NSF: variants seen among roughly 807,000 people sequenced by gnomAD.
The protein encoded by NSF is vesicle-fusing ATPase.
NSF carries 14 observed loss-of-function variants against 50.3 expected under a neutral mutation model. The ratio of observed to expected loss-of-function variants is 0.28; its 90% CI spans 0.18 to 0.44. NSF has a LOEUF of 0.44. NSF is among the 20% of genes least tolerant of loss of function. The probability of loss-of-function intolerance (pLI) is 1.00; values close to 1 mark genes in which losing one functional copy is unlikely to be tolerated. For missense variants in NSF, 218 were observed against 504.3 expected (o/e 0.43, Z 5.44); for synonymous variants, 109 against 175.7 (o/e 0.62, Z 3.00).
intron 19 of NSF, among the ~76,000 whole-genome samples, chr17:46,751,898 C>A (rs958748503): frequency 6.6e-6 from 1 of 152,168 alleles, no homozygotes; most frequent in African/African-American, 2.4e-5. Flanking sequence ...AAAGAGCAGT[C>A]GTTCTTCTGC....
In NSF at chr17:46,711,067, G is replaced by A. The variant is rs765489870; in HGVS notation, c.1575G>A (p.Val525=). 5 of 1,584,840 alleles carry A rather than the reference G, an allele frequency of 3.2e-6. No homozygotes were observed. The East Asian group carries it at 9.5e-5, about 30-fold the overall frequency. The part of the protein sequence containing the change: ...TRVLDDGELL[V]QQTKNSDRTP... The stretch of plus-strand genomic sequence containing the variant: ...TTCTAGATGATGGGGAGCTGCTGGT[G>A]CAGCAGACTAAGAACAGTGACCGCA... Residue 525 remains valine, a synonymous_variant, in exon 14 of 21, where the codon GTG becomes GTA. Transcript: ENST00000398238.
Position 46,719,991 on chromosome 17 carries a change from ATCT to A in NSF, c.1761+6010_1761+6012del, listed in dbSNP as rs1425013974. ...CCACTAGCTTTGCACGAAAGAAATA[ATCT>A]TCTTTGAATATCCTCCTGTAAATCC... On this transcript the variant is annotated intron_variant, in intron 15 of 20. Transcript: ENST00000398238. The surrounding 1 kb of genome is among the most constrained non-coding windows in gnomAD (Gnocchi z 4.3). 3.3e-5 allele frequency among the ~76,000 whole-genome samples: 5 copies of A among 152,210 alleles called. No homozygotes were observed. Among genetic ancestry groups the A allele is most frequent in the Admixed American group, 1.3e-4 (2 of 15,282 alleles).
At chr17:46,744,064 AC>A (rs2059104539) in intron 17 of NSF, among the ~76,000 whole-genome samples, 1 of 151,682 alleles carries the variant, frequency 6.6e-6, no homozygotes, top group African/African-American at 2.4e-5. Flanking sequence ...TTCCTAGATA[AC>A]CCCCCTCCAG....
chr17:46,741,411 C>T (rs566986803), intron 17 of NSF, among the ~76,000 whole-genome samples: 2 of 152,210 alleles, frequency 1.3e-5, no homozygotes, highest in East Asian at 1.9e-4. Flanking sequence ...CATGAATTCC[C>T]CCCCTTATTG....
intron 13 of NSF, among the ~76,000 whole-genome samples, chr17:46,707,292 A>G (rs988408704): frequency 6.6e-6 from 1 of 152,152 alleles, no homozygotes; most frequent in South Asian, 2.1e-4. Context: ...ATAGTGTCCA[A>G]GTCTTTTGCC....
intron 5 of NSF, among the ~76,000 whole-genome samples, chr17:46,638,674 A>C (rs1461928830): frequency 2.1e-5 from 3 of 141,906 alleles, no homozygotes; most frequent in African/African-American, 8.3e-5. Flanking sequence ...ACCATGCCCA[A>C]CCATTTTTTT....
At chr17:46,724,373 A>T (rs1297650510) in intron 15 of NSF, among the ~76,000 whole-genome samples, 1 of 152,214 alleles carries the variant, frequency 6.6e-6, no homozygotes, top group African/African-American at 2.4e-5. Context: ...AGTTCTGTTC[A>T]TTATATTTTC....
At chr17:46,638,974 T>C (rs1402750974) in intron 5 of NSF, among the ~76,000 whole-genome samples, 1 of 22,708 alleles carries the variant, frequency 4.4e-5, no homozygotes, top group Non-Finnish European at 7.4e-5. Context: ...AAAATAGATA[T>C]GATCCCTGCT....
intron 15 of NSF, among the ~76,000 whole-genome samples, chr17:46,715,452 T>C (rs904427894): frequency 2.0e-5 from 3 of 152,248 alleles, no homozygotes; most frequent in African/African-American, 7.2e-5. Context: ...ATTTATTGAA[T>C]AGCTAATTCT....
chr17:46,611,769 CAT>C (rs1401136216), intron 1 of NSF, among the ~76,000 whole-genome samples: 1 of 147,712 alleles, frequency 6.8e-6, no homozygotes, highest in Non-Finnish European at 1.5e-5. Flanking sequence ...TCGAAGGAAA[CAT>C]AGGTGAAAAT....
At chr17:46,710,470 A>G (rs1298502619) in intron 13 of NSF, among the ~76,000 whole-genome samples, 1 of 152,180 alleles carries the variant, frequency 6.6e-6, no homozygotes, top group Admixed American at 6.5e-5. Flanking sequence ...CATTGGTGCC[A>G]TTTAACTATG....
intron 16 of NSF, 49 bp downstream of exon 16, chr17:46,726,664 A>G: frequency 6.8e-7 from 1 of 1,478,474 alleles, no homozygotes; most frequent in Non-Finnish European, 9.5e-7. Context: ...ATTACAGCTA[A>G]TATCTCAAAA....
intron 17 of NSF, among the ~76,000 whole-genome samples, chr17:46,737,343 GTTAAAT>G (rs1471158220): frequency 6.6e-6 from 1 of 152,168 alleles, no homozygotes; most frequent in African/African-American, 2.4e-5. Context: ...AGGATACTTA[GTTAAAT>G]TTAAATTTCA....
At position 46,728,871 on chromosome 17, in the gene NSF, C is replaced by T; in HGVS notation, c.1845C>T (p.Gly615=). ...CTTTTCCAGATTACGTCCCTATTGG[C>T]CCTCGATTTTCAAATCTTGTATTAC... ...IERLLDYVPI[G]PRFSNLVLQA... The change falls in exon 17 of 21, where the codon GGC becomes GGT. Residue 615 remains glycine (G), a synonymous_variant. Coordinates refer to ENST00000398238, the MANE Select transcript of NSF (RefSeq NM_006178.4). The T allele has an allele frequency of 1.2e-6, 2 of 1,608,360 alleles. No homozygotes were observed. Among genetic ancestry groups the T allele is most frequent in the Non-Finnish European group, 1.7e-6 (2 of 1,177,254 alleles).
At chr17:46,749,384 G>T (rs1326081176) in intron 17 of NSF, among the ~76,000 whole-genome samples, 1 of 152,176 alleles carries the variant, frequency 6.6e-6, no homozygotes, top group Non-Finnish European at 1.5e-5. Context: ...CTAAAGCCTT[G>T]TAAAGCCAGC....
rs1160677471 is a variant in NSF at position 46,757,198 on chromosome 17, CTTT to C, written c.*1376_*1378del. 6.6e-6 allele frequency: 1 copy of C among 152,186 alleles called. No homozygotes were observed. Among genetic ancestry groups the C allele is most frequent in the East Asian group, 1.9e-4 (1 of 5,204 alleles). The allele number at this position is 152,186 out of a possible 1,614,324, so 9.4% of individuals were successfully genotyped here. A position where few individuals can be genotyped will look rare whatever the true frequency, so the allele number is the denominator to read the frequency against. On this transcript the variant is annotated 3_prime_UTR_variant, in exon 21 of 21. Transcript: ENST00000398238. ...GGTGGAGACTTGGATGTCATATCTT[CTTT>C]GTTTTGGGTTTTCTTCCCTAGCTTA...
At chr17:46,749,343 T>A (rs1245301203) in intron 17 of NSF, among the ~76,000 whole-genome samples, 1 of 152,204 alleles carries the variant, frequency 6.6e-6, no homozygotes, top group Non-Finnish European at 1.5e-5. Flanking sequence ...AAATATAAAC[T>A]CTTATTACCC....
chr17:46,715,814 A>G (rs1043715040), intron 15 of NSF, among the ~76,000 whole-genome samples: 1 of 152,212 alleles, frequency 6.6e-6, no homozygotes, highest in Non-Finnish European at 1.5e-5. Context: ...AAGCCTTTCA[A>G]GGTAGAGTTT....
intron 13 of NSF, among the ~76,000 whole-genome samples, chr17:46,708,604 G>T (rs2058681644): frequency 6.9e-6 from 1 of 144,818 alleles, no homozygotes; most frequent in Admixed American, 7.2e-5. Flanking sequence ...TGATTCTCCT[G>T]CCTCAGCCTC....
Sources: allele counts gnomAD v4.1 joint callset (sites outside exome capture counted in the v4.1 genomes callset), GRCh38; gene constraint gnomAD v4.1.1; non-coding constraint Gnocchi (gnomAD v3.1); transcripts MANE v1.5; gene names NCBI Gene and HGNC (gene_info 2026-07-23, HGNC 2026-07-21).